Variants in ZNF385D observed in about 807,000 individuals in gnomAD.
The protein encoded by ZNF385D is zinc finger protein 659.
In ZNF385D, 15 loss-of-function variants were observed where a neutral mutation model predicts 35.8. The observed-to-expected ratio is 0.42, with a 90% CI of 0.28 to 0.64. ZNF385D has a LOEUF of 0.64. Ranked by LOEUF, ZNF385D falls within the 30% of genes least tolerant of loss-of-function variation. The probability of loss-of-function intolerance (pLI) is 0.23; values close to 1 mark genes in which losing one functional copy is unlikely to be tolerated. For missense variants in ZNF385D, 474 were observed against 494.6 expected (o/e 0.96, Z 0.39); for synonymous variants, 212 against 186.8 (o/e 1.13, Z -1.10).
At chr3:21,762,121 C>T (rs1042999374) in intron 3 of ZNF385D, among the ~76,000 whole-genome samples, 8 of 152,026 alleles carry the variant, frequency 5.3e-5, no homozygotes, top group African/African-American at 1.9e-4. Flanking sequence ...TCGTGATCTG[C>T]CTGCCTCAGC....
chr3:21,794,922 T>G (rs1201825007), intron 3 of ZNF385D, among the ~76,000 whole-genome samples: 1 of 152,174 alleles, frequency 6.6e-6, no homozygotes, highest in Non-Finnish European at 1.5e-5. Context: ...GACAATTAAG[T>G]AAAATAATGA....
At chr3:22,025,380 G>T (rs1446441274) in intron 3 of ZNF385D, among the ~76,000 whole-genome samples, 1 of 152,094 alleles carries the variant, frequency 6.6e-6, no homozygotes, top group East Asian at 1.9e-4. Flanking sequence ...GTCCCTAGAG[G>T]TGACGTTGAG....
At chr3:22,262,924 C>A (rs1307270630) in intron 2 of ZNF385D, among the ~76,000 whole-genome samples, 1 of 151,938 alleles carries the variant, frequency 6.6e-6, no homozygotes, top group Non-Finnish European at 1.5e-5. Flanking sequence ...GGCACAGGTG[C>A]CTATGAGTCA....
chr3:22,056,812 T>C (rs1699426256), intron 3 of ZNF385D, among the ~76,000 whole-genome samples: 1 of 152,244 alleles, frequency 6.6e-6, no homozygotes, highest in Admixed American at 6.5e-5. Flanking sequence ...TGGCCTTGGC[T>C]ACAGGCTGCA....
intron 2 of ZNF385D, among the ~76,000 whole-genome samples, chr3:22,313,936 C>CA (rs1348683535): frequency 1.3e-5 from 2 of 152,106 alleles, no homozygotes; most frequent in Admixed American, 1.3e-4. Flanking sequence ...GCTCTCTTCT[C>CA]AGTTATCCTA....
chr3:21,712,131 T>C (rs577421575), intron 1 of ZNF385D, among the ~76,000 whole-genome samples: 2 of 152,216 alleles, frequency 1.3e-5, no homozygotes, highest in South Asian at 4.2e-4. Flanking sequence ...CAGGTAATGA[T>C]TCCCCAAACT....
At chr3:21,804,067 G>C (rs945718970) in intron 3 of ZNF385D, among the ~76,000 whole-genome samples, 4 of 152,180 alleles carry the variant, frequency 2.6e-5, no homozygotes, top group African/African-American at 9.7e-5. Context: ...TTTTATAGAG[G>C]TGTAAATTAT....
chr3:21,717,023 C>T (rs2068349434), intron 1 of ZNF385D, among the ~76,000 whole-genome samples: 1 of 152,166 alleles, frequency 6.6e-6, no homozygotes, highest in Non-Finnish European at 1.5e-5. Context: ...GTCCCAGCTA[C>T]TCAGGAGTCT....
At chr3:21,469,821 G>C (rs902108458) in intron 4 of ZNF385D, among the ~76,000 whole-genome samples, 1 of 151,978 alleles carries the variant, frequency 6.6e-6, no homozygotes, top group Admixed American at 6.6e-5. Flanking sequence ...AACAAAAAAG[G>C]CTTAAAGGAA....
intron 3 of ZNF385D, among the ~76,000 whole-genome samples, chr3:21,885,242 T>G (rs1356072116): frequency 6.6e-6 from 1 of 152,086 alleles, no homozygotes; most frequent in East Asian, 1.9e-4. Context: ...TGAAGTTAAA[T>G]GAAGTTCCAA....
At chr3:22,037,611 C>A (rs1458636450) in intron 3 of ZNF385D, among the ~76,000 whole-genome samples, 1 of 152,018 alleles carries the variant, frequency 6.6e-6, no homozygotes, top group Admixed American at 6.6e-5. Context: ...GATATTAGCC[C>A]TTTGTCAGAT....
chr3:21,478,989 AATC>A (rs1187828825), intron 4 of ZNF385D, among the ~76,000 whole-genome samples: 6 of 152,050 alleles, frequency 3.9e-5, no homozygotes, highest in African/African-American at 1.4e-4. Context: ...TTAAAATAGT[AATC>A]ATAAAGAAAT....
rs118138332 is a variant in ZNF385D, at chr3:22,145,449, C to A, written c.325+23368G>T. Among the ~76,000 whole-genome samples, 238 of 152,298 alleles carry A rather than the reference C, an allele frequency of 1.6e-3. 1 individual carries two copies. In the East Asian group the frequency reaches 0.039, roughly 25 times the overall value. On this transcript the variant is annotated intron_variant, in intron 3 of 5. Transcript: ENST00000494108. ...TCATACACCTTGCTCTTTGAACTAC[C>A]AATGCTCTTTACACACTAGACAGAC...
intron 3 of ZNF385D, among the ~76,000 whole-genome samples, chr3:22,112,939 A>G (rs1439012624): frequency 6.6e-6 from 1 of 152,144 alleles, no homozygotes; most frequent in Non-Finnish European, 1.5e-5. Flanking sequence ...CATTGGTAGA[A>G]AATGTGAACA....
chr3:21,751,290 C>T, upstream of ZNF385D: 1 of 1,087,728 alleles, frequency 9.2e-7, no homozygotes. Context: ...GCTCCGACTG[C>T]CTGCCTGGAC....
At chr3:21,469,521 T>A (rs1255033471) in intron 4 of ZNF385D, among the ~76,000 whole-genome samples, 2 of 152,058 alleles carry the variant, frequency 1.3e-5, no homozygotes, top group East Asian at 3.9e-4. Flanking sequence ...AACAAGTGTA[T>A]TTTTTTCAAC....
At position 21,509,383 on chromosome 3, in the gene ZNF385D, C is replaced by T. The variant is rs144472616; in HGVS notation, c.439+1478G>A. ...GGATCCCCACCTGTGACCCAATATC[C>T]GGGAGCAGAAATTACACTTACCTGC... On this transcript the variant is annotated intron_variant, in intron 4 of 7. Transcript: ENST00000281523. Among the ~76,000 whole-genome samples, 60 of 152,216 alleles carry T rather than the reference C, an allele frequency of 3.9e-4. No homozygotes were observed. The East Asian group carries it at 8.9e-3, about 23-fold the overall frequency.
chr3:21,577,036 A>G (rs2063516263), intron 2 of ZNF385D, among the ~76,000 whole-genome samples: 1 of 152,166 alleles, frequency 6.6e-6, no homozygotes, highest in African/African-American at 2.4e-5. Context: ...TCATTTAGCT[A>G]TTTGAAGATA....
chr3:22,162,830 A>T (rs542559123), intron 3 of ZNF385D, among the ~76,000 whole-genome samples: 2 of 152,254 alleles, frequency 1.3e-5, no homozygotes, highest in Non-Finnish European at 2.9e-5. Context: ...GAACCTTCAG[A>T]GAGAGAGGAC....
Sources: allele counts gnomAD v4.1 joint callset (sites outside exome capture counted in the v4.1 genomes callset), GRCh38; gene constraint gnomAD v4.1.1; transcripts MANE v1.5; gene names NCBI Gene and HGNC (gene_info 2026-07-23, HGNC 2026-07-21).